The following TLE2 variants were observed in gnomAD, a reference collection of about 807,000 sequenced individuals.
TLE2 encodes the protein TLE family member 2, transcriptional corepressor.
In TLE2, 74 loss-of-function variants were observed where a neutral mutation model predicts 97.2. The ratio of observed to expected loss-of-function variants is 0.76; its 90% CI spans 0.63 to 0.92. TLE2 has a LOEUF of 0.92. TLE2 is among the 40% of genes least tolerant of loss of function. The probability of loss-of-function intolerance (pLI) is 0.00; values close to 1 mark genes in which losing one functional copy is unlikely to be tolerated. For synonymous variants in TLE2, 499 were observed against 432.1 expected (o/e 1.15, Z -1.92); for missense variants, 1,038 against 1,008.7 (o/e 1.03, Z -0.39).
rs201423306 is a variant in TLE2, at chr19:3,028,809, G to C, written c.25-6C>G. On this transcript the variant is annotated splice_region_variant and splice_polypyrimidine_tract_variant and intron_variant, in intron 1 of 19. Transcript: ENST00000262953. ...TGGCCGGACTGGAGCGGGGTCTGGG[G>C]GGGGTGTGGGGGAAACGTCAGGGTC... The C allele has an allele frequency of 3.0e-5, 49 of 1,612,376 alleles. No homozygotes were observed. The East Asian group carries it at 5.4e-4, about 18-fold the overall frequency.
chr19:3,021,123 G>T lies in TLE2; in HGVS notation c.295-1350C>A, dbSNP rs867864464. On this transcript the variant is annotated intron_variant, in intron 5 of 19. Transcript: ENST00000262953. ...AAAAAAAAAAAAAAAAAGGGGGGGG[G>T]GTGCTGAGCGTGGTGACTCACACCT... is the stretch of plus-strand genomic sequence containing the variant. Among the ~76,000 whole-genome samples, 925 of 112,896 alleles carry T rather than the reference G, an allele frequency of 8.2e-3. 96 individuals are homozygous for T. The highest frequency in any genetic ancestry group is 0.032 in the African/African-American group (865 of 26,992). The allele number at this position is 112,896 out of a possible 152,430, so 74.1% of individuals were successfully genotyped here.
At chr19:3,027,617 T>C (rs1458022250) in intron 4 of TLE2, among the ~76,000 whole-genome samples, 1 of 152,176 alleles carries the variant, frequency 6.6e-6, no homozygotes, top group Admixed American at 6.5e-5. Context: ...TGCTAGATAC[T>C]GTCTTCAGAA....
At chr19:3,028,481 C>T in intron 2 of TLE2, 99 bp from the exon 3 acceptor site, 1 of 1,213,122 alleles carries the variant, frequency 8.2e-7, no homozygotes, top group Non-Finnish European at 1.2e-6. Flanking sequence ...TCCTTACAGA[C>T]CTCCCCCCAC....
At chr19:3,044,272 C>T (rs1255709893) in intron 1 of TLE2, among the ~76,000 whole-genome samples, 2 of 152,156 alleles carry the variant, frequency 1.3e-5, no homozygotes, top group Non-Finnish European at 2.9e-5. Flanking sequence ...CCTGGTGTCC[C>T]ATGGAGGATC....
chr19:3,004,772 G>A (rs547500224), intron 17 of TLE2, among the ~76,000 whole-genome samples: 1 of 152,182 alleles, frequency 6.6e-6, no homozygotes, highest in South Asian at 2.1e-4. Flanking sequence ...GAACAAATGT[G>A]CAGAGGCCTC....
chr19:3,026,914 G>A (rs1175491980), intron 4 of TLE2, among the ~76,000 whole-genome samples: 1 of 151,694 alleles, frequency 6.6e-6, no homozygotes, highest in Admixed American at 6.6e-5. Flanking sequence ...TGAACCCTGA[G>A]GTCTATCTCA....
intron 17 of TLE2, among the ~76,000 whole-genome samples, chr19:3,003,823 T>A (rs1393952606): frequency 1.3e-5 from 2 of 151,952 alleles, no homozygotes; most frequent in Non-Finnish European, 2.9e-5. Context: ...TCCTCCCGCC[T>A]CAGCCTCACA....
At chr19:3,007,131 A>G (rs1236054337) in intron 14 of TLE2, among the ~76,000 whole-genome samples, 1 of 151,394 alleles carries the variant, frequency 6.6e-6, no homozygotes, top group Non-Finnish European at 1.5e-5. Context: ...TCTGTCACCC[A>G]GGCTGGAGGG....
intron 5 of TLE2, among the ~76,000 whole-genome samples, chr19:3,022,519 A>ACT (rs1233905856): frequency 6.6e-6 from 1 of 151,016 alleles, no homozygotes; most frequent in Admixed American, 6.6e-5. Context: ...ACAGAGCAAG[A>ACT]CTCTGTCTCA....
At chr19:3,034,419 C>T (rs1443280016) in intron 1 of TLE2, among the ~76,000 whole-genome samples, 1 of 151,826 alleles carries the variant, frequency 6.6e-6, no homozygotes, top group Non-Finnish European at 1.5e-5. Flanking sequence ...TGCAACCCTG[C>T]CCCAGCCAGC....
chr19:3,019,462 T>A lies in TLE2; in HGVS notation c.371A>T (p.Gln124Leu). ...GTGGTGGGACAGCGGCTGGAGCTGC[T>A]GCTGCTAGAAAGGAGGCAGGATGGG... ...TVGELNSLIG[Q>L]QLQPLSHHAP... Residue 124 changes from glutamine to leucine, a missense_variant and splice_region_variant, in exon 7 of 20, where the codon CAG becomes CTG. Coordinates refer to ENST00000262953, the MANE Select transcript of TLE2 (RefSeq NM_003260.5). The surrounding 1 kb of genome is among the most constrained non-coding windows in gnomAD (Gnocchi z 5.1). The A allele has an allele frequency of 6.6e-7, 1 of 1,513,536 alleles. No homozygotes were observed. Among genetic ancestry groups the A allele is most frequent in the Non-Finnish European group, 8.8e-7 (1 of 1,135,402 alleles). The allele number at this position is 1,513,536 out of a possible 1,614,324, so 93.8% of individuals were successfully genotyped here. A position where few individuals can be genotyped will look rare whatever the true frequency, so the allele number is the denominator to read the frequency against.
chr19:3,035,109 C>A (rs1029743218), intron 1 of TLE2, among the ~76,000 whole-genome samples: 3 of 152,146 alleles, frequency 2.0e-5, no homozygotes, highest in Non-Finnish European at 4.4e-5. Flanking sequence ...AGGAACACAC[C>A]CCATCCCTTA....
At position 3,006,411 on chromosome 19, in the gene TLE2, C is replaced by T. The variant is rs768651429; in HGVS notation, c.1500+9G>A. 16 of 1,608,500 alleles carry T rather than the reference C, an allele frequency of 9.9e-6. No homozygotes were observed. In the Middle Eastern group the frequency reaches 6.7e-4, roughly 67 times the overall value. Reference sequence around the variant, plus strand: ...GTGAGTCCCGCCCACTGTCCCACCCCGCCCTCACCAGGCAGTCGAGCTGGG... The same window carrying T: ...GTGAGTCCCGCCCACTGTCCCACCCTGCCCTCACCAGGCAGTCGAGCTGGG... On this transcript the variant is annotated intron_variant, in intron 15 of 19. Transcript: ENST00000262953.
chr19:2,999,039 C>T (rs1041212308), intron 19 of TLE2, among the ~76,000 whole-genome samples: 32 of 152,038 alleles, frequency 2.1e-4, no homozygotes, highest in African/African-American at 5.6e-4. Context: ...CTCGGCGCTT[C>T]CGGAGGCCGA....
chr19:3,043,679 G>A (rs1367316007), intron 1 of TLE2, among the ~76,000 whole-genome samples: 1 of 151,956 alleles, frequency 6.6e-6, no homozygotes, highest in Non-Finnish European at 1.5e-5. Flanking sequence ...GCATGGTGGC[G>A]GGCGCCTGTA....
At chr19:3,046,385 G>A (rs1380673473), upstream of TLE2, among the ~76,000 whole-genome samples, 1 of 152,228 alleles carries the variant, frequency 6.6e-6, no homozygotes, top group Non-Finnish European at 1.5e-5. Context: ...ATGCGTCCTA[G>A]CTTTAGCTCC....
chr19:3,002,517 G>C lies in TLE2; in HGVS notation c.1897-14C>G. ...CAGGGAGAAAATCTGGGGGTAAAGA[G>C]GGAAGAGATGGGGTCACGAGCCCCT... is the stretch of plus-strand genomic sequence containing the variant. On this transcript the variant is annotated splice_polypyrimidine_tract_variant and intron_variant, in intron 17 of 19. Transcript: ENST00000262953. 1 of 1,551,688 alleles carries C rather than the reference G, an allele frequency of 6.4e-7. No homozygotes were observed. Among genetic ancestry groups the C allele is most frequent in the South Asian group, 1.2e-5 (1 of 84,608 alleles).
intron 10 of TLE2, 124 bp from the exon 11 acceptor site, chr19:3,013,942 G>T: frequency 1.0e-6 from 1 of 987,620 alleles, no homozygotes; most frequent in Non-Finnish European, 1.4e-6. Context: ...ACCATGGGAA[G>T]ATTATGAAAT....
At chr19:3,009,885 C>CTT (rs66977119) in intron 12 of TLE2, among the ~76,000 whole-genome samples, 183 bp from the exon 13 acceptor site, 21 of 139,444 alleles carry the variant, frequency 1.5e-4, no homozygotes, top group East Asian at 1.1e-3. Context: ...CTTTCTCTCT[C>CTT]TCTTTTTTTC....
Sources: allele counts gnomAD v4.1 joint callset (sites outside exome capture counted in the v4.1 genomes callset), GRCh38; gene constraint gnomAD v4.1.1; non-coding constraint Gnocchi (gnomAD v3.1); transcripts MANE v1.5; gene names NCBI Gene and HGNC (gene_info 2026-07-23, HGNC 2026-07-21).